HERC1: variants seen among roughly 807,000 people sequenced by gnomAD.
HERC1 encodes the protein probable E3 ubiquitin-protein ligase HERC1.
A neutral mutation model predicts 554.3 loss-of-function variants in HERC1; 160 were observed. The observed-to-expected ratio is 0.29, with a 90% CI of 0.25 to 0.33. The LOEUF (loss-of-function observed/expected upper bound fraction) is 0.33, where lower values mean the gene tolerates loss of function less well. Among genes scored for constraint, HERC1 ranks in the 10% least tolerant of loss-of-function variants. The probability of loss-of-function intolerance (pLI) is 1.00; values close to 1 mark genes in which losing one functional copy is unlikely to be tolerated. For synonymous variants in HERC1, 2,175 were observed against 2,131.7 expected (o/e 1.02, Z -0.56); for missense variants, 4,919 against 5,918.5 (o/e 0.83, Z 5.54).
chr15:63,801,821 A>C (rs1465205768), intron 1 of HERC1, among the ~76,000 whole-genome samples: 1 of 152,134 alleles, frequency 6.6e-6, no homozygotes, highest in Middle Eastern at 3.2e-3. Flanking sequence ...CTTCATGTAC[A>C]TACATTTTTG....
At chr15:63,681,192 T>C (rs1039522579) in intron 34 of HERC1, among the ~76,000 whole-genome samples, 2 of 152,148 alleles carry the variant, frequency 1.3e-5, no homozygotes, top group African/African-American at 4.8e-5. Flanking sequence ...TGTTTTGTTT[T>C]GTTTTGTTTT....
At position 63,652,472 on chromosome 15, in the gene HERC1, C is replaced by A. The variant is rs373098342; in HGVS notation, c.10360G>T (p.Val3454Leu). 1 of 1,611,246 alleles carries A rather than the reference C, an allele frequency of 6.2e-7. No homozygotes were observed. Among genetic ancestry groups the A allele is most frequent in the Non-Finnish European group, 8.5e-7 (1 of 1,178,338 alleles). Residue 3454 changes from valine (V) to leucine (L), a missense_variant, in exon 52 of 78, where the codon GTA becomes TTA. Val to Leu is a conservative substitution (Grantham distance 32, BLOSUM62 1). Transcript: ENST00000443617. ...TATTGCTTCTTGGTAACATTCCATA[C>A]GCGGATGGTGCCATCATTGCCACTT... The part of the protein sequence containing the change: ...ATSGNDGTIR[V>L]WNVTKKQYSL...
rs1193500868 is a variant in HERC1, at chr15:63,674,380, C to T, written c.7808G>A (p.Gly2603Glu). ...QAMIYKLVVH[G>E]LLEDQFGGKI... The stretch of plus-strand genomic sequence containing the variant: ...GCCCCCAAACTGGTCTTCCAAAAGC[C>T]CATGAACCACTAATTTATAGATCAT... Residue 2603 changes from glycine to glutamate, a missense_variant, in exon 38 of 78, where the codon GGG (glycine) becomes GAG (glutamate). This residue lies in a region of HERC1 where 1,963 missense variants were observed against 2,228.6 expected (regional missense o/e 0.88). Transcript: ENST00000443617. 2 of 1,613,382 alleles carry T rather than the reference C, an allele frequency of 1.2e-6. No homozygotes were observed. Among genetic ancestry groups the T allele is most frequent in the Non-Finnish European group, 1.7e-6 (2 of 1,179,550 alleles).
At position 63,669,637 on chromosome 15, in the gene HERC1, G is replaced by C. The variant is rs1405927633; in HGVS notation, c.8107C>G (p.Pro2703Ala). The change falls in exon 40 of 78, where the codon CCA (proline) becomes GCA (alanine). Residue 2703 changes from proline to alanine, a missense_variant. Pro to Ala is a conservative substitution (Grantham distance 27, BLOSUM62 -1). Coordinates refer to ENST00000443617, the MANE Select transcript of HERC1 (RefSeq NM_003922.4). ...VLPTRRAQTP[P>A]ISSLPTSPSD... ...GGAGAGGTTGGTAACGAAGATATTGGAGGAGTCTGTGCCCGACGTGTGGGA... is the reference window on the plus strand; with the variant it reads ...GGAGAGGTTGGTAACGAAGATATTGCAGGAGTCTGTGCCCGACGTGTGGGA... 1 of 1,613,900 alleles carries C rather than the reference G, an allele frequency of 6.2e-7. No homozygotes were observed. The highest frequency in any genetic ancestry group is 8.5e-7 in the Non-Finnish European group (1 of 1,179,774).
chr15:63,675,582 A>G (rs1429161391), intron 37 of HERC1, among the ~76,000 whole-genome samples: 2 of 152,222 alleles, frequency 1.3e-5, no homozygotes, highest in Non-Finnish European at 2.9e-5. Context: ...GAAAATTTGT[A>G]TAATAAATCT....
chr15:63,815,985 T>C (rs1228721486), intron 1 of HERC1, among the ~76,000 whole-genome samples: 1 of 151,998 alleles, frequency 6.6e-6, no homozygotes, highest in Non-Finnish European at 1.5e-5. Flanking sequence ...AGCATGAGGG[T>C]AACCATCCCC....
intron 67 of HERC1, among the ~76,000 whole-genome samples, chr15:63,633,484 T>C (rs995833027): frequency 6.6e-6 from 1 of 152,176 alleles, no homozygotes; most frequent in Non-Finnish European, 1.5e-5. Flanking sequence ...GTGGTAATAA[T>C]AAGCAGAAAT....
intron 65 of HERC1, 194 bp from the exon 66 acceptor site, chr15:63,635,082 C>A (rs916702390): frequency 1.0e-5 from 4 of 391,838 alleles, no homozygotes; most frequent in Admixed American, 4.0e-5. Flanking sequence ...GTGTCTTGCT[C>A]TGTCACCTAG....
At chr15:63,720,608 TCAGTAAAAAAAATTGA>T (rs2140473498) in intron 19 of HERC1, among the ~76,000 whole-genome samples, 1 of 152,280 alleles carries the variant, frequency 6.6e-6, no homozygotes, top group South Asian at 2.1e-4. Flanking sequence ...TCCTGCTTTA[TCAGTAAAAAAAATTGA>T]CAAGGACAAA....
At chr15:63,621,918 C>G (rs533633225) in intron 74 of HERC1, among the ~76,000 whole-genome samples, 9 of 152,054 alleles carry the variant, frequency 5.9e-5, no homozygotes, top group Non-Finnish European at 1.2e-4. Flanking sequence ...TTTTTAACTT[C>G]TTTGCCATGG....
chr15:63,682,565 G>A (rs989705190), intron 34 of HERC1, among the ~76,000 whole-genome samples: 4 of 152,094 alleles, frequency 2.6e-5, no homozygotes, highest in Admixed American at 6.5e-5. Context: ...GAAGCCAGGA[G>A]TTTGAGACTA....
At chr15:63,748,425 G>A (rs920924752) in intron 10 of HERC1, among the ~76,000 whole-genome samples, 11 of 152,152 alleles carry the variant, frequency 7.2e-5, no homozygotes, top group Non-Finnish European at 1.6e-4. Flanking sequence ...GAAAGCAGAG[G>A]GCTGAGTCAC....
chr15:63,761,615 T>C (rs2075614972), intron 3 of HERC1, among the ~76,000 whole-genome samples: 2 of 150,784 alleles, frequency 1.3e-5, no homozygotes, highest in African/African-American at 4.9e-5. Flanking sequence ...GCAGAGAGTA[T>C]GTAATAACTA....
Position 63,658,626 on chromosome 15 carries a change from C to A in HERC1, c.9517G>T (p.Ala3173Ser), listed in dbSNP as rs751089066. The A allele has an allele frequency of 6.2e-7, 1 of 1,613,900 alleles. No homozygotes were observed. The highest frequency in any genetic ancestry group is 8.5e-7 in the Non-Finnish European group (1 of 1,179,854). The change falls in exon 48 of 78, where the codon GCT becomes TCT. Residue 3173 changes from alanine (A) to serine (S), a missense_variant. Ala to Ser is a moderately conservative substitution (Grantham distance 99, BLOSUM62 1). Around this residue, in one of 11 missense-constraint regions of HERC1, gnomAD observed 1,963 missense variants for 2,228.6 expected, o/e 0.88. Transcript: ENST00000443617. The stretch of plus-strand genomic sequence containing the variant: ...GCAGCAGCAGTCACTCTCCTTAAAG[C>A]CACCACACGGTCATGAGGGTTTGCT... The part of the protein sequence containing the change: ...ALANPHDRVV[A>S]LRRVTAAAQV...
intron 56 of HERC1, 25 bp downstream of exon 56, chr15:63,645,458 G>A (rs8029051): frequency 1.3e-5 from 20 of 1,564,636 alleles, no homozygotes; most frequent in African/African-American, 2.7e-5. Flanking sequence ...AAACTAAGAC[G>A]TATAGATGCA....
chr15:63,625,065 G>A (rs1354620979), intron 71 of HERC1, among the ~76,000 whole-genome samples: 1 of 152,036 alleles, frequency 6.6e-6, no homozygotes, highest in Non-Finnish European at 1.5e-5. Context: ...TCTGTTTAGT[G>A]CTGCACAGGA....
Position 63,624,234 on chromosome 15 carries a change from C to G in HERC1, c.13369G>C (p.Val4457Leu). The G allele has an allele frequency of 1.2e-6, 2 of 1,613,892 alleles. No individual in the cohort carries two copies. Among genetic ancestry groups the G allele is most frequent in the Non-Finnish European group, 1.7e-6 (2 of 1,179,792 alleles). Residue 4457 changes from valine to leucine, a missense_variant, in exon 72 of 78, where the codon GTG becomes CTG. Physicochemically the swap from Val to Leu is conservative, Grantham distance 32. This residue lies in a region of HERC1 where 410 missense variants were observed against 467.0 expected (regional missense o/e 0.88). Transcript: ENST00000443617. ...LAPRVYTLPM[V>L]RSIGKTMVQG... ...ACCATGGTTTTTCCTATGGAGCGCA[C>G]CATTGGCAGAGTGTAGACTCTTGGG...
At chr15:63,828,111 G>T (rs1350226535) in intron 1 of HERC1, among the ~76,000 whole-genome samples, 2 of 152,192 alleles carry the variant, frequency 1.3e-5, no homozygotes, top group Non-Finnish European at 2.9e-5. Context: ...AGGGTGAGTT[G>T]TATGGTATGT....
At chr15:63,812,311 CA>C (rs1427737335) in intron 1 of HERC1, among the ~76,000 whole-genome samples, 2 of 152,198 alleles carry the variant, frequency 1.3e-5, no homozygotes, top group Non-Finnish European at 2.9e-5. Context: ...TGTTTCAAAA[CA>C]GTAGGAATTC....
Sources: allele counts gnomAD v4.1 joint callset (sites outside exome capture counted in the v4.1 genomes callset), GRCh38; gene constraint gnomAD v4.1.1; regional missense constraint gnomAD v4.1.1; transcripts MANE v1.5; gene names NCBI Gene and HGNC (gene_info 2026-07-23, HGNC 2026-07-21).